Variants in DLG5 observed in about 807,000 individuals in gnomAD.
DLG5 encodes disks large homolog 5.
A neutral mutation model predicts 189.8 loss-of-function variants in DLG5; 48 were observed. The observed-to-expected ratio is 0.25, with a 90% confidence interval of 0.20 to 0.32. DLG5 has a LOEUF of 0.32. DLG5 is among the 10% of genes least tolerant of loss of function. DLG5 has a pLI of 1.00. For missense variants in DLG5, 2,160 were observed against 2,544.7 expected (o/e 0.85, Z 3.25); for synonymous variants, 1,016 against 1,054.1 (o/e 0.96, Z 0.70).
At chr10:77,811,452 G>C (rs1318515871) in intron 22 of DLG5, among the ~76,000 whole-genome samples, 2 of 152,006 alleles carry the variant, frequency 1.3e-5, no homozygotes, top group African/African-American at 4.8e-5. Flanking sequence ...CTCTCCAAAG[G>C]CATCTGACCT....
At chr10:77,856,344 C>G (rs994549121) in intron 3 of DLG5, among the ~76,000 whole-genome samples, 7 of 151,956 alleles carry the variant, frequency 4.6e-5, no homozygotes, top group Non-Finnish European at 1.0e-4. Context: ...AGAGCAAGAC[C>G]CCGTCTCAAA....
At chr10:77,793,936 G>C in intron 31 of DLG5, 72 bp downstream of exon 31, 4 of 1,428,740 alleles carry the variant, frequency 2.8e-6, no homozygotes, top group Middle Eastern at 1.8e-4. Flanking sequence ...CCACGGCTAA[G>C]AAAACAGCCT....
chr10:77,859,506 C>CT (rs1844388637), intron 2 of DLG5, among the ~76,000 whole-genome samples: 1 of 152,164 alleles, frequency 6.6e-6, no homozygotes, highest in Non-Finnish European at 1.5e-5. Flanking sequence ...TGCAGCTTTT[C>CT]TTTTCTATGT....
intron 1 of DLG5, among the ~76,000 whole-genome samples, chr10:77,880,499 C>T (rs1288219354): frequency 6.6e-6 from 1 of 152,162 alleles, no homozygotes; most frequent in East Asian, 1.9e-4. Flanking sequence ...AACACAACTG[C>T]ATGTGGTCAG....
chr10:77,896,363 G>C lies in DLG5; in HGVS notation c.305-27166C>G, dbSNP rs141196402. Among the ~76,000 whole-genome samples the C allele has an allele frequency of 1.6e-3, 239 of 152,258 alleles. 2 individuals carry two copies. The highest frequency in any genetic ancestry group is 4.7e-4 in the Non-Finnish European group (32 of 68,034). On this transcript the variant is annotated intron_variant, in intron 1 of 31. Transcript: ENST00000372391. The stretch of plus-strand genomic sequence containing the variant: ...ATTTAAGAAGAACTATAGACTAGAG[G>C]ATATAATTGCATCAGTGCTGAGGTT...
At chr10:77,805,574 T>C (rs961546126) in intron 27 of DLG5, 91 bp downstream of exon 27, 5 of 1,413,860 alleles carry the variant, frequency 3.5e-6, no homozygotes, top group Admixed American at 2.2e-5. Context: ...AAAGTAAGAC[T>C]CTCTTTTGTT....
At chr10:77,848,770 T>TA (rs915609637) in intron 5 of DLG5, among the ~76,000 whole-genome samples, 31 of 149,126 alleles carry the variant, frequency 2.1e-4, no homozygotes, top group Non-Finnish European at 3.1e-4. Context: ...AATGTGACAT[T>TA]AAAAAAAAAA....
Position 77,830,854 on chromosome 10 carries a change from A to G in DLG5, c.1768T>C (p.Leu590=). Residue 590 remains leucine (L), a synonymous_variant, in exon 10 of 32, where the codon TTG becomes CTG. Transcript: ENST00000372391. ...TGTCGGAACCGGGCCTCCTTTTCCA[A>G]CTGGGATTCCATCTGTTCCCTGTGA... is the stretch of plus-strand genomic sequence containing the variant. The part of the protein sequence containing the change: ...KELKEQMESQ[L]EKEARFRQLM... 3.1e-6 allele frequency: 5 copies of G among 1,614,132 alleles called. No homozygotes were observed. The highest frequency in any genetic ancestry group is 4.2e-6 in the Non-Finnish European group (5 of 1,180,010).
At chr10:77,850,724 T>G (rs1843928539) in intron 5 of DLG5, among the ~76,000 whole-genome samples, 1 of 152,154 alleles carries the variant, frequency 6.6e-6, no homozygotes, top group Admixed American at 6.5e-5. Context: ...ATAATATCAT[T>G]AACGACCACA....
chr10:77,909,349 C>A (rs1241532168), intron 1 of DLG5, among the ~76,000 whole-genome samples: 1 of 152,068 alleles, frequency 6.6e-6, no homozygotes, highest in Non-Finnish European at 1.5e-5. Flanking sequence ...CACACCAGGG[C>A]CTGTCAGGGG....
intron 1 of DLG5, among the ~76,000 whole-genome samples, chr10:77,907,576 C>G (rs775197138): frequency 3.0e-4 from 46 of 152,306 alleles, no homozygotes; most frequent in Non-Finnish European, 5.6e-4. Flanking sequence ...TATACCCTGT[C>G]TCAAATACAC....
chr10:77,818,751 G>A (rs764685853), intron 17 of DLG5, among the ~76,000 whole-genome samples: 23 of 149,770 alleles, frequency 1.5e-4, no homozygotes, highest in Admixed American at 2.7e-4. Context: ...TGCCTTCATA[G>A]CCTCTTGGCA....
rs560264520 is a variant in DLG5, at chr10:77,844,872, G to C, written c.865-1166C>G. Among the ~76,000 whole-genome samples, 97 of 152,330 alleles carry C rather than the reference G, an allele frequency of 6.4e-4. No homozygotes were observed. In the South Asian group the frequency reaches 0.016, roughly 25 times the overall value. On this transcript the variant is annotated intron_variant, in intron 5 of 31. Transcript: ENST00000372391. ...CAGCGAGAGCACACTGGGCAGAGAG[G>C]GGGGCAGGGTCAAAGGCCCAGAGGC... is the stretch of plus-strand genomic sequence containing the variant.
chr10:77,850,848 G>A (rs1843935887), intron 5 of DLG5, among the ~76,000 whole-genome samples: 1 of 152,216 alleles, frequency 6.6e-6, no homozygotes, highest in Admixed American at 6.5e-5. Flanking sequence ...CCAACCTCGT[G>A]CTTTCTAGCA....
Position 77,858,070 on chromosome 10 carries a change from G to A in DLG5, c.374-1178C>T, listed in dbSNP as rs1043564285. Among the ~76,000 whole-genome samples the A allele has an allele frequency of 2.0e-5, 3 of 152,188 alleles. No individual in the cohort carries two copies. In the East Asian group the frequency reaches 5.8e-4, roughly 29 times the overall value. ...CTTCCAGAAGGGCCAGGGAGGATAGGGAGCTCAGGGCCAGGCATGACAAGC... is the reference window on the plus strand; with the variant it reads ...CTTCCAGAAGGGCCAGGGAGGATAGAGAGCTCAGGGCCAGGCATGACAAGC... On this transcript the variant is annotated intron_variant, in intron 2 of 31. Coordinates refer to ENST00000372391, the MANE Select transcript of DLG5 (RefSeq NM_004747.4).
chr10:77,899,621 T>C (rs1181151049), intron 1 of DLG5, among the ~76,000 whole-genome samples: 1 of 152,178 alleles, frequency 6.6e-6, no homozygotes, highest in Non-Finnish European at 1.5e-5. Flanking sequence ...AGGCCCAGCT[T>C]TCTGCCCCTC....
At chr10:77,855,717 AG>A (rs1339427864) in intron 3 of DLG5, among the ~76,000 whole-genome samples, 7 of 152,234 alleles carry the variant, frequency 4.6e-5, no homozygotes, top group African/African-American at 1.4e-4. Context: ...ATACAAGCTC[AG>A]GGATCAGGCT....
chr10:77,796,705 C>A lies in DLG5; in HGVS notation c.5165-111G>T, dbSNP rs74140336. The A allele has an allele frequency of 2.1e-3, 2,872 of 1,370,558 alleles. 50 individuals carry two copies. In the African/African-American group the frequency reaches 0.035, roughly 17 times the overall value. 84.9% of individuals were successfully genotyped at this position (1,370,558 alleles called of 1,614,324 possible). A position where few individuals can be genotyped will look rare whatever the true frequency, so the allele number is the denominator to read the frequency against. ...GCCCACTCTGGTTTGCCTGGGACTC[C>A]CCCAGCTTCAGCACTGAAAATCTCG... is the stretch of plus-strand genomic sequence containing the variant. On this transcript the variant is annotated intron_variant, in intron 27 of 31. Coordinates refer to ENST00000372391, the MANE Select transcript of DLG5 (RefSeq NM_004747.4). This position sits in a 1 kb window ranked among gnomAD's most constrained non-coding sequence, Gnocchi z 5.2.
Position 77,854,268 on chromosome 10 carries a change from C to T in DLG5, c.639G>A (p.Leu213=), listed in dbSNP as rs1844119865. The change falls in exon 4 of 32, where the codon TTG becomes TTA. Residue 213 remains leucine, a synonymous_variant. Coordinates refer to ENST00000372391, the MANE Select transcript of DLG5 (RefSeq NM_004747.4). ...QSLQNQHTNA[L]KRCEEVAKET... is the part of the protein sequence containing the mutation. ...CCTTGGCCACCTCCTCACACCTCTT[C>T]AAGGCGTTGGTGTGCTGGTTCTGCA... 1 of 1,614,088 alleles carries T rather than the reference C, an allele frequency of 6.2e-7. No individual in the cohort carries two copies. Among genetic ancestry groups the T allele is most frequent in the African/African-American group, 1.3e-5 (1 of 74,944 alleles).
Sources: allele counts gnomAD v4.1 joint callset (sites outside exome capture counted in the v4.1 genomes callset), GRCh38; gene constraint gnomAD v4.1.1; non-coding constraint Gnocchi (gnomAD v3.1); transcripts MANE v1.5; gene names NCBI Gene and HGNC (gene_info 2026-07-23, HGNC 2026-07-21).